The following EVC2 variants were observed in gnomAD, a reference collection of about 807,000 sequenced individuals.
EVC2 encodes the protein EvC ciliary complex subunit 2.
Under a neutral mutation model 149.3 loss-of-function variants are expected in EVC2, and 148 were observed. That is an observed-to-expected ratio of 0.99 (90% CI 0.87 to 1.14). EVC2 has a LOEUF of 1.14. Ranked by LOEUF, EVC2 falls within the 50% of genes most tolerant of loss-of-function variation. The pLI, the probability that EVC2 is intolerant of heterozygous loss-of-function variation, is 0.00. For synonymous variants in EVC2, 776 were observed against 649.9 expected (o/e 1.19, Z -2.95); for missense variants, 1,854 against 1,627.3 (o/e 1.14, Z -2.40).
intron 9 of EVC2, among the ~76,000 whole-genome samples, chr4:5,662,611 T>A (rs536645806): frequency 6.9e-6 from 1 of 145,072 alleles, no homozygotes; most frequent in Non-Finnish European, 1.5e-5. Context: ...TATATTTAAA[T>A]ATATTTAGAT....
rs1714999010 is a variant in EVC2 at position 5,613,349 on chromosome 4, A to G, written c.2829+2073T>C. ...CAAACCAAACCCCAGCTTTCCCTTC[A>G]CAAGCAGCTCTTCTCCGACAACAGT... is the stretch of plus-strand genomic sequence containing the variant. On this transcript the variant is annotated intron_variant, in intron 16 of 21. Transcript: ENST00000344408. This position sits in a 1 kb window ranked among gnomAD's most constrained non-coding sequence, Gnocchi z 4.6. 6.6e-6 allele frequency among the ~76,000 whole-genome samples: 1 copy of G among 151,974 alleles called. No homozygotes were observed. The highest frequency in any genetic ancestry group is 2.1e-4 in the South Asian group (1 of 4,806).
At chr4:5,595,470 G>C (rs1367472049) in intron 16 of EVC2, among the ~76,000 whole-genome samples, 2 of 152,108 alleles carry the variant, frequency 1.3e-5, no homozygotes, top group African/African-American at 4.8e-5. Flanking sequence ...GCCAAACTAA[G>C]CTTCATAAGT....
At chr4:5,682,789 G>T (rs1354098950) in intron 6 of EVC2, among the ~76,000 whole-genome samples, 1 of 151,568 alleles carries the variant, frequency 6.6e-6, no homozygotes, top group East Asian at 1.9e-4. Flanking sequence ...AACCTGGGAG[G>T]CGGAGGTTGC....
chr4:5,709,310 T>C (rs750869268), upstream of EVC2: 2 of 152,248 alleles, frequency 1.3e-5, no homozygotes, highest in Admixed American at 6.5e-5. Context: ...GTGGAGCCTT[T>C]TGTGTGCTTC....
chr4:5,681,421 C>A, intron 6 of EVC2, 108 bp from the exon 7 acceptor site: 1 of 1,115,456 alleles, frequency 9.0e-7, no homozygotes, highest in South Asian at 1.3e-5. Flanking sequence ...ACAATCAGCC[C>A]TAACTGCTGC....
chr4:5,548,958 CTTCCTTCCTTCCTTCTTTCT>C (rs1436859996), intron 21 of EVC2, among the ~76,000 whole-genome samples: 2 of 112,024 alleles, frequency 1.8e-5, no homozygotes, highest in Non-Finnish European at 3.4e-5. Flanking sequence ...TCCTTCCTTC[CTTCCTTCCTTCCTTCTTTCT>C]TTCTTTCTTC....
At chr4:5,558,771 T>A (rs182771572), downstream of EVC2, among the ~76,000 whole-genome samples, 1 of 152,324 alleles carries the variant, frequency 6.6e-6, no homozygotes, top group African/African-American at 2.4e-5. Context: ...TCTACTCTAC[T>A]GAGAAAGTTG....
At position 5,644,574 on chromosome 4, in the gene EVC2, A is replaced by G. The variant is rs557965409; in HGVS notation, c.1146-3736T>C. ...CGCCTCAGCCTCTCAAAGTGCTGGG[A>G]TTACAGGTGTGAGCCACCGTGTCTG... On this transcript the variant is annotated intron_variant, in intron 9 of 21. Transcript: ENST00000344408. Among the ~76,000 whole-genome samples, 20 of 152,228 alleles carry G rather than the reference A, an allele frequency of 1.3e-4. 1 individual carries two copies. The highest frequency in any genetic ancestry group is 1.3e-3 in the Admixed American group (20 of 15,296).
rs10001971 is a variant in EVC2, at chr4:5,637,072, C to T, written c.1470+3442G>A. ...AGGTGGTGTGGGTGGGAGAGACAGG[C>T]TGCAGAAAAGCCCTGGAGAGAGCAG... On this transcript the variant is annotated intron_variant, in intron 10 of 21. Transcript: ENST00000344408. The surrounding 1 kb of genome is among the most constrained non-coding windows in gnomAD (Gnocchi z 4.4). Among the ~76,000 whole-genome samples, 34,222 of 152,008 alleles carry T rather than the reference C, an allele frequency of 0.23. 9,723 individuals are homozygous for T. The highest frequency in any genetic ancestry group is 0.67 in the African/African-American group (27,746 of 41,406).
intron 21 of EVC2, among the ~76,000 whole-genome samples, chr4:5,553,595 G>A (rs1285584479): frequency 6.6e-6 from 1 of 152,118 alleles, no homozygotes; most frequent in African/African-American, 2.4e-5. Context: ...ACTATAAGCA[G>A]ATACAAGATT....
intron 17 of EVC2, among the ~76,000 whole-genome samples, chr4:5,579,155 C>T (rs1049318152): frequency 2.6e-5 from 4 of 152,040 alleles, no homozygotes; most frequent in African/African-American, 7.3e-5. Flanking sequence ...CCTTGGCCAC[C>T]GTGCAGGGGG....
chr4:5,544,869 C>G (rs1721583531), intron 21 of EVC2, among the ~76,000 whole-genome samples: 1 of 152,184 alleles, frequency 6.6e-6, no homozygotes, highest in Non-Finnish European at 1.5e-5. Context: ...GCCCCCAGCA[C>G]CAGCCCTGCC....
At chr4:5,607,338 C>G (rs1714473857) in intron 16 of EVC2, among the ~76,000 whole-genome samples, 1 of 152,160 alleles carries the variant, frequency 6.6e-6, no homozygotes, top group Admixed American at 6.5e-5. Flanking sequence ...ATAGGATAGG[C>G]AACTACTAAA....
intron 19 of EVC2, among the ~76,000 whole-genome samples, chr4:5,574,303 G>A (rs1285002329): frequency 6.6e-6 from 1 of 152,238 alleles, no homozygotes; most frequent in Non-Finnish European, 1.5e-5. Flanking sequence ...CACTCAGAGA[G>A]GTGTAGTGTG....
Position 5,675,637 on chromosome 4 carries a change from AAAGTCCCATTAAAATTAGTATTGGAG to A in EVC2, c.870+5597_870+5622del, listed in dbSNP as rs1719933484. 2.0e-5 allele frequency among the ~76,000 whole-genome samples: 3 copies of A among 152,098 alleles called. No homozygotes were observed. In the South Asian group the frequency reaches 6.2e-4, roughly 32 times the overall value. Reference sequence around the variant, plus strand: ...TATGATTTTTTTTCACATCCCCTCTAAAGTCCCATTAAAATTAGTATTGGAGCCTGGGTGCGGTGGCTCATGCCTGT... The same window carrying A: ...TATGATTTTTTTTCACATCCCCTCTACCTGGGTGCGGTGGCTCATGCCTGT... On this transcript the variant is annotated intron_variant, in intron 7 of 21. Transcript: ENST00000344408.
At position 5,657,204 on chromosome 4, in the gene EVC2, C is replaced by T. The variant is rs554023319; in HGVS notation, c.1145+5903G>A. On this transcript the variant is annotated intron_variant, in intron 9 of 21. Coordinates refer to ENST00000344408, the MANE Select transcript of EVC2 (RefSeq NM_147127.5). The surrounding 1 kb of genome is among the most constrained non-coding windows in gnomAD (Gnocchi z 4.7). ...GGGTTTCTCTAGTAAGCCACTTCCC[C>T]GTGGTCAGGACTGCTTCACACTTTT... 2.6e-5 allele frequency among the ~76,000 whole-genome samples: 4 copies of T among 152,292 alleles called. No individual in the cohort carries two copies. Among genetic ancestry groups the T allele is most frequent in the African/African-American group, 7.2e-5 (3 of 41,562 alleles).
chr4:5,685,721 C>A (rs144199163), intron 5 of EVC2, among the ~76,000 whole-genome samples: 1 of 152,168 alleles, frequency 6.6e-6, no homozygotes, highest in Non-Finnish European at 1.5e-5. Context: ...CCACTCCTGA[C>A]GTTTCCATTC....
chr4:5,682,216 G>A (rs1039045340), intron 6 of EVC2, among the ~76,000 whole-genome samples: 1 of 152,112 alleles, frequency 6.6e-6, no homozygotes, highest in African/African-American at 2.4e-5. Context: ...GCAGGCCGGG[G>A]GCGGTGGCTC....
rs940872998 is a variant in EVC2 at position 5,670,594 on chromosome 4, A to G, written c.871-4945T>C. Among the ~76,000 whole-genome samples the G allele has an allele frequency of 1.3e-5, 2 of 151,914 alleles. No individual in the cohort carries two copies. The highest frequency in any genetic ancestry group is 1.5e-5 in the Non-Finnish European group (1 of 67,996). ...CACCACCATCACTATCAACATCATC[A>G]ATATCACCATCACCATCATCTTCAC... On this transcript the variant is annotated intron_variant, in intron 7 of 21. Transcript: ENST00000344408. This position sits in a 1 kb window ranked among gnomAD's most constrained non-coding sequence, Gnocchi z 5.2.
Sources: gnomAD v4.1 joint callset for allele counts (sites outside exome capture counted in the v4.1 genomes callset) on GRCh38, gnomAD v4.1.1 for gene constraint, Gnocchi (gnomAD v3.1) non-coding constraint, MANE v1.5 for transcripts, NCBI Gene and HGNC (gene_info 2026-07-23, HGNC 2026-07-21) for gene names.